PGAP4: variants seen among roughly 807,000 people sequenced by gnomAD.
PGAP4 encodes GPI-N-acetylgalactosamine transferase PGAP4.
Under a neutral mutation model 28.2 loss-of-function variants are expected in PGAP4, and 12 were observed. The observed-to-expected ratio is 0.42, with a 90% confidence interval of 0.27 to 0.69. PGAP4 has a LOEUF of 0.69. PGAP4 is among the 30% of genes least tolerant of loss of function. PGAP4 has a pLI of 0.22. For missense variants in PGAP4, 425 were observed against 513.5 expected (o/e 0.83, Z 1.67); for synonymous variants, 205 against 211.8 (o/e 0.97, Z 0.28).
intron 2 of PGAP4, among the ~76,000 whole-genome samples, chr9:101,529,989 C>T (rs1302163163): frequency 6.6e-6 from 1 of 152,148 alleles, no homozygotes; most frequent in East Asian, 1.9e-4. Flanking sequence ...TAAAATACAA[C>T]TTGTTTAAAA....
chr9:101,490,411 A>G (rs185539974), upstream of PGAP4, among the ~76,000 whole-genome samples: 18 of 152,108 alleles, frequency 1.2e-4, no homozygotes, highest in Admixed American at 1.2e-3. Flanking sequence ...GCTGGTCTCA[A>G]ACTCCTGACC....
intron 2 of PGAP4, among the ~76,000 whole-genome samples, chr9:101,510,295 T>C (rs1242276792): frequency 6.6e-6 from 1 of 152,196 alleles, no homozygotes; most frequent in African/African-American, 2.4e-5. Flanking sequence ...GCTTTAGCAG[T>C]GCAGTTAGCC....
intron 2 of PGAP4, among the ~76,000 whole-genome samples, chr9:101,504,209 G>GTTTTTTTTTTTTTT (rs3081858): frequency 4.8e-4 from 11 of 22,708 alleles, no homozygotes; most frequent in Non-Finnish European, 6.4e-4. Context: ...GTGTGTGTTT[G>GTTTTTTTTTTTTTT]TTTTTTTTTT....
chr9:101,491,829 A>ATATATATATG (rs1460997844), upstream of PGAP4, among the ~76,000 whole-genome samples: 3 of 124,924 alleles, frequency 2.4e-5, no homozygotes, highest in African/African-American at 6.3e-5. Context: ...ATATATATAT[A>ATATATATATG]TATATATATA....
intron 2 of PGAP4, among the ~76,000 whole-genome samples, chr9:101,530,078 A>C (rs552962035): frequency 6.6e-6 from 1 of 152,380 alleles, no homozygotes. Context: ...GAGATATAAC[A>C]ATCTTAGAAC....
intron 1 of PGAP4, chr9:101,480,651 A>G (rs544295955): frequency 6.6e-6 from 1 of 152,320 alleles, no homozygotes; most frequent in East Asian, 1.9e-4. Flanking sequence ...TTGAACATTA[A>G]TGCAATCTAC....
intron 2 of PGAP4, among the ~76,000 whole-genome samples, chr9:101,507,504 A>C (rs1410194006): frequency 6.6e-6 from 1 of 152,126 alleles, no homozygotes; most frequent in Admixed American, 6.6e-5. Flanking sequence ...TTTCCTATTA[A>C]CATTTATGAA....
Position 101,492,532 on chromosome 9 carries a change from G to A in PGAP4, c.-164-3332C>T, listed in dbSNP as rs553123324. ...TTTTCTTTGCACATCTAATAAATTT[G>A]GTTAAGACTGGACATTGTAATGTAT... is the stretch of plus-strand genomic sequence containing the variant. On this transcript the variant is annotated intron_variant, in intron 2 of 3. Coordinates refer to the PGAP4 transcript ENST00000374851. 7.2e-5 allele frequency among the ~76,000 whole-genome samples: 11 copies of A among 152,162 alleles called. No individual in the cohort carries two copies. The East Asian group carries it at 2.1e-3, about 29-fold the overall frequency.
intron 2 of PGAP4, chr9:101,501,635 C>T (rs930841478): frequency 6.1e-6 from 3 of 492,286 alleles, no homozygotes; most frequent in South Asian, 2.9e-5. Flanking sequence ...TATAGTGAAA[C>T]ATTTCATTTA....
chr9:101,520,188 A>G (rs1011099373), intron 2 of PGAP4, among the ~76,000 whole-genome samples: 6 of 152,126 alleles, frequency 3.9e-5, no homozygotes, highest in African/African-American at 7.2e-5. Context: ...TGCTTTGGCT[A>G]TACAAGCTCC....
intron 2 of PGAP4, among the ~76,000 whole-genome samples, chr9:101,529,754 T>G (rs1394486601): frequency 6.6e-6 from 1 of 151,984 alleles, no homozygotes; most frequent in Non-Finnish European, 1.5e-5. Flanking sequence ...AAGGGAAAGG[T>G]GAGGACAAGA....
intron 2 of PGAP4, among the ~76,000 whole-genome samples, chr9:101,493,640 T>C (rs1043923361): frequency 1.3e-5 from 2 of 152,176 alleles, no homozygotes; most frequent in African/African-American, 4.8e-5. Context: ...ATAAGTTTCA[T>C]TATGATATGG....
intron 2 of PGAP4, among the ~76,000 whole-genome samples, chr9:101,498,471 G>A (rs1826770449): frequency 6.6e-6 from 1 of 151,388 alleles, no homozygotes; most frequent in Non-Finnish European, 1.5e-5. Context: ...AATTTGTAAA[G>A]CCGTTAATAT....
At chr9:101,526,551 G>A (rs1261560402) in intron 2 of PGAP4, among the ~76,000 whole-genome samples, 1 of 152,192 alleles carries the variant, frequency 6.6e-6, no homozygotes, top group African/African-American at 2.4e-5. Flanking sequence ...CTGGGTTCAA[G>A]TGATTCTCCT....
At chr9:101,507,854 G>A (rs1826860571) in intron 2 of PGAP4, among the ~76,000 whole-genome samples, 1 of 152,104 alleles carries the variant, frequency 6.6e-6, no homozygotes, top group African/African-American at 2.4e-5. Context: ...CTGATCTTAG[G>A]TAATGCTGTG....
intron 2 of PGAP4, among the ~76,000 whole-genome samples, chr9:101,505,465 G>A (rs1471636286): frequency 6.6e-6 from 1 of 151,990 alleles, no homozygotes; most frequent in Non-Finnish European, 1.5e-5. Flanking sequence ...CCACACCAAG[G>A]ACGGTATGAT....
chr9:101,476,976 G>C lies in PGAP4; in HGVS notation c.117C>G (p.Ala39=), dbSNP rs118044926. 1 of 1,597,888 alleles carries C rather than the reference G, an allele frequency of 6.3e-7. No individual in the cohort carries two copies. The highest frequency in any genetic ancestry group is 8.5e-7 in the Non-Finnish European group (1 of 1,172,942). The change falls in exon 2 of 2, where the codon GCC becomes GCG. Residue 39 remains alanine (A), a synonymous_variant. Coordinates refer to ENST00000374848, the MANE Select transcript of PGAP4 (RefSeq NM_032342.3). The surrounding 1 kb of genome is among the most constrained non-coding windows in gnomAD (Gnocchi z 7.0). ...ILTVVTFGLL[A]PLACHRLLHS... is the part of the protein sequence containing the mutation. ...GTAGAAGTCGGTGACAGGCCAGGGGGGCCAGCAGGCCAAACGTCACCACTG... is the reference window on the plus strand; with the variant it reads ...GTAGAAGTCGGTGACAGGCCAGGGGCGCCAGCAGGCCAAACGTCACCACTG...
chr9:101,502,414 G>A lies in PGAP4; in HGVS notation c.-164-13214C>T, dbSNP rs184482997. ...GAGATAATTTCTAAATGCTTATGCAGTTAAAACTAAAGCTATGCCTCTGTG... is the reference window on the plus strand; with the variant it reads ...GAGATAATTTCTAAATGCTTATGCAATTAAAACTAAAGCTATGCCTCTGTG... On this transcript the variant is annotated intron_variant, in intron 2 of 3. Transcript: ENST00000374851. 1.4e-3 allele frequency among the ~76,000 whole-genome samples: 213 copies of A among 152,166 alleles called. 3 individuals are homozygous for A. The Middle Eastern group carries it at 0.017, about 12-fold the overall frequency.
At chr9:101,513,602 G>A (rs72743394) in intron 2 of PGAP4, among the ~76,000 whole-genome samples, 24,233 of 152,158 alleles carry the variant, frequency 0.16, 2,428 homozygotes, top group East Asian at 0.37. Flanking sequence ...CTTAGCAACA[G>A]TTTTAGTTGC....
Sources: allele counts gnomAD v4.1 joint callset (sites outside exome capture counted in the v4.1 genomes callset), GRCh38; gene constraint gnomAD v4.1.1; non-coding constraint Gnocchi (gnomAD v3.1); transcripts MANE v1.5; gene names NCBI Gene and HGNC (gene_info 2026-07-23, HGNC 2026-07-21).